STK3: variants seen among roughly 807,000 people sequenced by gnomAD.
STK3 encodes the protein serine/threonine-protein kinase 3.
A neutral mutation model predicts 58.0 loss-of-function variants in STK3; 41 were observed. That is an observed-to-expected ratio of 0.71 (90% CI 0.55 to 0.92). STK3 has a LOEUF of 0.92. Among genes scored for constraint, STK3 ranks in the 40% least tolerant of loss-of-function variants. STK3 has a pLI of 0.00. For missense variants in STK3, 479 were observed against 602.7 expected, an observed-to-expected ratio of 0.79 and a Z score of 2.15; for synonymous variants, 170 against 191.0, an observed-to-expected ratio of 0.89 and a Z score of 0.91.
Position 98,428,032 on chromosome 8 carries a change from A to T in STK3, n.483+6095T>A, listed in dbSNP as rs763909604. The T allele has an allele frequency of 6.2e-7, 1 of 1,606,824 alleles. No individual in the cohort carries two copies. Among genetic ancestry groups the T allele is most frequent in the South Asian group, 1.1e-5 (1 of 90,310 alleles). On this transcript the variant is annotated intron_variant and non_coding_transcript_variant, in intron 3 of 3. Coordinates refer to the STK3 transcript ENST00000517832. The surrounding 1 kb of genome is among the most constrained non-coding windows in gnomAD (Gnocchi z 6.7). Reference sequence around the variant, plus strand: ...TCGGAGGCTAACGTCGAGGACGGGGAGATCCGCATCAATGTGGGCGGCTTC... The same window carrying T: ...TCGGAGGCTAACGTCGAGGACGGGGTGATCCGCATCAATGTGGGCGGCTTC...
At chr8:98,672,260 G>T (rs977630293) in intron 6 of STK3, among the ~76,000 whole-genome samples, 2 of 151,840 alleles carry the variant, frequency 1.3e-5, no homozygotes, top group African/African-American at 2.4e-5. Flanking sequence ...CGGTGGGTGT[G>T]GGGGGTTAGG....
At chr8:98,429,398 T>A (rs775246273) in intron 3 of STK3, 18 of 1,610,642 alleles carry the variant, frequency 1.1e-5, no homozygotes, top group Non-Finnish European at 1.4e-5. Flanking sequence ...TCAGTTTAAA[T>A]GATTCCCTAC....
chr8:98,373,993 A>G (rs531454568), intron 2 of STK3, among the ~76,000 whole-genome samples: 2 of 152,328 alleles, frequency 1.3e-5, no homozygotes, highest in Admixed American at 6.5e-5. Flanking sequence ...CTGTTTTTCT[A>G]GATCTGAAAT....
At chr8:98,736,775 C>T (rs551807489) in intron 4 of STK3, among the ~76,000 whole-genome samples, 1 of 152,226 alleles carries the variant, frequency 6.6e-6, no homozygotes, top group Admixed American at 6.5e-5. Context: ...CTATTGTCAA[C>T]TCCCTAAATC....
intron 6 of STK3, among the ~76,000 whole-genome samples, chr8:98,655,257 G>A (rs563464778): frequency 1.2e-4 from 19 of 152,226 alleles, no homozygotes; most frequent in East Asian, 7.7e-4. Context: ...TTTAATAAAC[G>A]GTGCTGGGAA....
intron 3 of STK3, among the ~76,000 whole-genome samples, chr8:98,872,774 T>A (rs1837425722): frequency 6.6e-6 from 1 of 152,224 alleles, no homozygotes; most frequent in Non-Finnish European, 1.5e-5. Context: ...ATTTTGTTGA[T>A]CTTTTCAAAA....
intron 3 of STK3, chr8:98,413,920 A>G (rs1177964056): frequency 9.5e-6 from 4 of 419,688 alleles, no homozygotes; most frequent in Admixed American, 7.1e-5. Flanking sequence ...CCCTATATTT[A>G]TTTGATTCTG....
At chr8:98,936,041 C>G (rs1037380844) in intron 1 of STK3, among the ~76,000 whole-genome samples, 7 of 152,048 alleles carry the variant, frequency 4.6e-5, no homozygotes, top group African/African-American at 1.4e-4. Flanking sequence ...TTCAGCCTCC[C>G]AAGTAGTGGG....
At chr8:98,801,376 C>G (rs1244984693) in intron 1 of STK3, among the ~76,000 whole-genome samples, 1 of 152,088 alleles carries the variant, frequency 6.6e-6, no homozygotes, top group Non-Finnish European at 1.5e-5. Context: ...GTAACCCGCT[C>G]GGTCCCCTTC....
intron 2 of STK3, among the ~76,000 whole-genome samples, chr8:98,435,434 T>C (rs1818452629): frequency 6.6e-6 from 1 of 152,172 alleles, no homozygotes; most frequent in African/African-American, 2.4e-5. Flanking sequence ...CATTCTTTTG[T>C]CACCAGGGTA....
At chr8:98,457,365 T>C (rs781571522) in intron 10 of STK3, among the ~76,000 whole-genome samples, 1 of 152,200 alleles carries the variant, frequency 6.6e-6, no homozygotes, top group Non-Finnish European at 1.5e-5. Context: ...AATGGCCACA[T>C]TGAAAGGCCA....
intron 4 of STK3, among the ~76,000 whole-genome samples, chr8:98,747,501 G>A (rs978427403): frequency 6.6e-6 from 1 of 152,092 alleles, no homozygotes; most frequent in Non-Finnish European, 1.5e-5. Flanking sequence ...TCATGCTTCT[G>A]AAATTCAGAC....
chr8:98,582,372 G>A (rs955033263), intron 7 of STK3, among the ~76,000 whole-genome samples: 1 of 151,654 alleles, frequency 6.6e-6, no homozygotes, highest in African/African-American at 2.4e-5. Context: ...TGCCATTCAT[G>A]CATTTTTTAA....
chr8:98,857,133 T>C (rs1836713931), intron 3 of STK3, among the ~76,000 whole-genome samples: 1 of 152,174 alleles, frequency 6.6e-6, no homozygotes, highest in Non-Finnish European at 1.5e-5. Flanking sequence ...GTTCTAAAAT[T>C]GACTATGGTA....
chr8:98,789,633 G>A (rs1297480271), intron 1 of STK3, among the ~76,000 whole-genome samples: 1 of 152,166 alleles, frequency 6.6e-6, no homozygotes, highest in East Asian at 1.9e-4. Flanking sequence ...ACCCCTTTAT[G>A]TGCATAAACT....
intron 3 of STK3, among the ~76,000 whole-genome samples, chr8:98,409,993 C>T: frequency 6.6e-6 from 1 of 152,210 alleles, no homozygotes; most frequent in East Asian, 1.9e-4. Context: ...GGCCATTGAA[C>T]TGGTCTAATT....
chr8:98,604,063 T>C (rs973123669), intron 6 of STK3, among the ~76,000 whole-genome samples: 7 of 152,094 alleles, frequency 4.6e-5, no homozygotes, highest in African/African-American at 1.7e-4. Context: ...GGAATAATGG[T>C]CTGCTTTGAA....
chr8:98,903,489 T>A (rs1045295227), intron 1 of STK3, among the ~76,000 whole-genome samples: 13 of 19,288 alleles, frequency 6.7e-4, no homozygotes, highest in Non-Finnish European at 9.4e-5. Context: ...TTTAGGAAGT[T>A]CTTCTTCTTC....
chr8:98,863,311 C>G (rs1837002457), intron 3 of STK3, among the ~76,000 whole-genome samples: 1 of 152,096 alleles, frequency 6.6e-6, no homozygotes, highest in African/African-American at 2.4e-5. Flanking sequence ...AAGGGCAGTA[C>G]AACATTGAGC....
Sources: gnomAD v4.1 joint callset for allele counts (sites outside exome capture counted in the v4.1 genomes callset) on GRCh38, gnomAD v4.1.1 for gene constraint, Gnocchi (gnomAD v3.1) non-coding constraint, MANE v1.5 for transcripts, NCBI Gene and HGNC (gene_info 2026-07-23, HGNC 2026-07-21) for gene names.